The following UNC79 variants were observed in gnomAD, a reference collection of about 807,000 sequenced individuals.
UNC79 encodes protein unc-79 homolog.
Under a neutral mutation model 283.1 loss-of-function variants are expected in UNC79, and 37 were observed. The observed-to-expected ratio is 0.13, with a 90% CI of 0.10 to 0.17. The LOEUF is 0.17. UNC79 is among the 10% of genes least tolerant of loss of function. UNC79 has a pLI of 1.00. For missense variants in UNC79, 2,272 were observed against 3,211.1 expected (o/e 0.71, Z 7.07); for synonymous variants, 1,107 against 1,200.2 (o/e 0.92, Z 1.61).
At chr14:93,597,440 A>G (rs1411583916) in exon 24 of UNC79, 3 of 1,614,216 alleles carry the variant, frequency 1.9e-6, no homozygotes, top group Non-Finnish European at 2.5e-6. Flanking sequence ...TCCCTGGCAC[A>G]TGCCTTCTGC....
At chr14:93,558,668 C>T (rs965212739) in intron 14 of UNC79, among the ~76,000 whole-genome samples, 10 of 123,666 alleles carry the variant, frequency 8.1e-5, no homozygotes, top group Admixed American at 4.1e-4. Flanking sequence ...GCACAGAGAG[C>T]GAGAGGCCGG....
intron 1 of UNC79, among the ~76,000 whole-genome samples, chr14:93,435,247 T>C (rs575930125): frequency 2.6e-5 from 4 of 152,338 alleles, no homozygotes; most frequent in African/African-American, 7.2e-5. Context: ...ATAACCATTT[T>C]TGTGGTTGCA....
rs148408361 is a variant in UNC79, at chr14:93,646,824, A to G, written c.6083+178A>G. On this transcript the variant is annotated intron_variant, in intron 35 of 48. Transcript: ENST00000555664. ...CGGGAGTTCAAGACCATCCTGGGCA[A>G]CATAGCAAGACCCTGTCTCAATAAA... Among the ~76,000 whole-genome samples the G allele has an allele frequency of 1.2e-3, 182 of 152,280 alleles. 4 individuals are homozygous for G. In the Middle Eastern group the frequency reaches 0.031, roughly 26 times the overall value.
chr14:93,580,660 T>C (rs1172773608), intron 19 of UNC79, among the ~76,000 whole-genome samples: 1 of 152,232 alleles, frequency 6.6e-6, no homozygotes, highest in Admixed American at 6.5e-5. Flanking sequence ...AAAAGAACTT[T>C]TATCACAAAG....
exon 43 of UNC79, chr14:93,686,589 G>A: frequency 1.2e-6 from 2 of 1,614,186 alleles, no homozygotes; most frequent in Non-Finnish European, 1.7e-6. Context: ...CTGCAGCGAT[G>A]GAGTGTGTGA....
At chr14:93,340,522 C>T (rs1281279473) in intron 1 of UNC79, among the ~76,000 whole-genome samples, 1 of 146,836 alleles carries the variant, frequency 6.8e-6, no homozygotes, top group Non-Finnish European at 1.5e-5. Context: ...AAGTAGTTTA[C>T]AATCTGTTTA....
intron 1 of UNC79, among the ~76,000 whole-genome samples, chr14:93,365,642 G>A (rs776693549): frequency 1.4e-4 from 21 of 152,066 alleles, no homozygotes; most frequent in Non-Finnish European, 2.1e-4. Context: ...CAACATCTGC[G>A]CTAAATATCA....
chr14:93,347,061 A>T, intron 1 of UNC79: 1 of 517,426 alleles, frequency 1.9e-6, no homozygotes, highest in Non-Finnish European at 3.4e-6. Context: ...TGGAAAGGGC[A>T]GTACAGAGAA....
At chr14:93,639,186 G>T (rs1210398182) in intron 32 of UNC79, among the ~76,000 whole-genome samples, 1 of 152,154 alleles carries the variant, frequency 6.6e-6, no homozygotes, top group African/African-American at 2.4e-5. Context: ...TGACTCAGAG[G>T]TTTTTTAATT....
At chr14:93,383,319 T>C (rs2054702808) in intron 1 of UNC79, among the ~76,000 whole-genome samples, 1 of 152,140 alleles carries the variant, frequency 6.6e-6, no homozygotes, top group South Asian at 2.1e-4. Context: ...AAAATGGTTA[T>C]GGGTGGGTAG....
intron 16 of UNC79, among the ~76,000 whole-genome samples, chr14:93,573,855 A>G (rs1488960223): frequency 6.6e-6 from 1 of 152,130 alleles, no homozygotes; most frequent in East Asian, 1.9e-4. Flanking sequence ...AAATACAAAA[A>G]TTAGCTGGTC....
At chr14:93,406,306 G>A (rs2055224360) in intron 1 of UNC79, among the ~76,000 whole-genome samples, 1 of 152,120 alleles carries the variant, frequency 6.6e-6, no homozygotes, top group Admixed American at 6.5e-5. Flanking sequence ...TAATGAGCTG[G>A]GCATGGTGGC....
chr14:93,449,818 T>C (rs947449573), intron 1 of UNC79, among the ~76,000 whole-genome samples: 1 of 152,076 alleles, frequency 6.6e-6, no homozygotes, highest in African/African-American at 2.4e-5. Flanking sequence ...TAAATGAAAA[T>C]GTTAGAAAGG....
chr14:93,347,314 C>T lies in UNC79; in HGVS notation c.-351+13791C>T, dbSNP rs1262066604. ...CTGTCCTGCCCGCCGCCACTACCGC[C>T]GCTTGGCCCTGCTCGGCCTGCAGCC... On this transcript the variant is annotated intron_variant, in intron 1 of 49. Coordinates refer to the UNC79 transcript ENST00000256339. The T allele has an allele frequency of 4.4e-6, 7 of 1,605,600 alleles. No homozygotes were observed. The highest frequency in any genetic ancestry group is 1.7e-5 in the Admixed American group (1 of 59,834).
chr14:93,455,341 G>A (rs2056765700), intron 1 of UNC79, among the ~76,000 whole-genome samples: 1 of 152,130 alleles, frequency 6.6e-6, no homozygotes, highest in African/African-American at 2.4e-5. Flanking sequence ...TTGTTGCCTT[G>A]TTCTCTCCAC....
At chr14:93,375,769 G>A (rs756959231) in intron 1 of UNC79, among the ~76,000 whole-genome samples, 5 of 152,100 alleles carry the variant, frequency 3.3e-5, no homozygotes, top group Non-Finnish European at 5.9e-5. Flanking sequence ...CCAAGGGGAT[G>A]GCACTAAACC....
intron 7 of UNC79, 131 bp from the exon 8 acceptor site, chr14:93,523,847 A>G: frequency 2.2e-6 from 2 of 920,744 alleles, no homozygotes; most frequent in Non-Finnish European, 3.2e-6. Flanking sequence ...ATAGATTAAA[A>G]AGATGATTCT....
chr14:93,354,180 T>A (rs969700163), intron 1 of UNC79, among the ~76,000 whole-genome samples: 1 of 152,178 alleles, frequency 6.6e-6, no homozygotes, highest in Admixed American at 6.5e-5. Context: ...CTATGTTAAC[T>A]TTAAGGGTTT....
intron 47 of UNC79, among the ~76,000 whole-genome samples, chr14:93,697,205 G>A (rs1264214261): frequency 2.0e-5 from 3 of 151,750 alleles, no homozygotes; most frequent in African/African-American, 7.3e-5. Context: ...GTGCAATCTC[G>A]GCTTACTGCA....
Sources: gnomAD v4.1 joint callset for allele counts (sites outside exome capture counted in the v4.1 genomes callset) on GRCh38, gnomAD v4.1.1 for gene constraint, MANE v1.5 for transcripts, NCBI Gene and HGNC (gene_info 2026-07-23, HGNC 2026-07-21) for gene names.